AOC2: variants seen among roughly 807,000 people sequenced by gnomAD.
AOC2 encodes the protein amine oxidase [copper-containing] 2.
Under a neutral mutation model 53.8 loss-of-function variants are expected in AOC2, and 57 were observed. That is an observed-to-expected ratio of 1.06 (90% confidence interval 0.86 to 1.32). The LOEUF (loss-of-function observed/expected upper bound fraction) is 1.32. Ranked by LOEUF, AOC2 falls within the 40% of genes most tolerant of loss-of-function variation. AOC2 has a pLI of 0.00. For missense variants in AOC2, 1,008 were observed against 957.2 expected, an observed-to-expected ratio of 1.05 and a Z score of -0.70; for synonymous variants, 404 against 399.0, an observed-to-expected ratio of 1.01 and a Z score of -0.15.
chr17:42,849,585 T>C lies in AOC2; in HGVS notation c.1875-16T>C, dbSNP rs768567560. ...TTGACATTTCCCAAAACCACCTTCT[T>C]ATGATTCCTGGCCAGATACCAGCTT... On this transcript the variant is annotated splice_polypyrimidine_tract_variant and intron_variant, in intron 2 of 3. Coordinates refer to ENST00000253799, the MANE Select transcript of AOC2 (RefSeq NM_009590.4). The C allele has an allele frequency of 6.2e-7, 1 of 1,614,172 alleles. No homozygotes were observed. Among genetic ancestry groups the C allele is most frequent in the Non-Finnish European group, 8.5e-7 (1 of 1,180,026 alleles).
rs1205382813 is a variant in AOC2 at position 42,846,058 on chromosome 17, G to A, written c.1432G>A (p.Ala478Thr). ...IWDFVLYPNG[A>T]LEGRVHATGY... ...GGACTTTGTGTTGTACCCAAATGGG[G>A]CACTTGAAGGGCGGGTCCATGCCAC... is the stretch of plus-strand genomic sequence containing the variant. Residue 478 changes from alanine to threonine, a missense_variant, in exon 1 of 4, where the codon GCA becomes ACA. By Grantham distance (58) the Ala-to-Thr change is moderately conservative. Coordinates refer to ENST00000253799, the MANE Select transcript of AOC2 (RefSeq NM_009590.4). 5 of 1,609,412 alleles carry A rather than the reference G, an allele frequency of 3.1e-6. No homozygotes were observed. The East Asian group carries it at 8.9e-5, about 29-fold the overall frequency.
At chr17:42,848,845 C>T (rs2055620346) in intron 1 of AOC2, among the ~76,000 whole-genome samples, 1 of 152,134 alleles carries the variant, frequency 6.6e-6, no homozygotes, top group African/African-American at 2.4e-5. Context: ...GCCACCTCAG[C>T]TGGCCCTAAG....
At position 42,846,244 on chromosome 17, in the gene AOC2, T is replaced by C. The variant is rs749623520; in HGVS notation, c.1588+30T>C. ...GTGCTGAGGGGATGAGGATGGAGAC[T>C]TGGGGGCGGGGTCAGGTGGGGTGGA... On this transcript the variant is annotated intron_variant, in intron 1 of 3. Transcript: ENST00000253799. 6 of 1,483,572 alleles carry C rather than the reference T, an allele frequency of 4.0e-6. No homozygotes were observed. In the East Asian group the frequency reaches 9.3e-5, roughly 23 times the overall value. 91.9% of individuals were successfully genotyped at this position (1,483,572 alleles called of 1,614,324 possible).
Position 42,850,395 on chromosome 17 carries a change from C to T in AOC2, c.*47C>T. 6.6e-7 allele frequency: 1 copy of T among 1,521,068 alleles called. No individual in the cohort carries two copies. The highest frequency in any genetic ancestry group is 8.8e-7 in the Non-Finnish European group (1 of 1,133,934). The allele number at this position is 1,521,068 out of a possible 1,614,324, so 94.2% of individuals were successfully genotyped here. A position where few individuals can be genotyped will look rare whatever the true frequency, so the allele number is the denominator to read the frequency against. On this transcript the variant is annotated 3_prime_UTR_variant, in exon 4 of 4. Transcript: ENST00000253799. ...CGTGGTTAGGCACATGTACTTTTCC[C>T]TGTTTCTACTTTCTATTCTCCGTGT...
intron 1 of AOC2, 38 bp downstream of exon 1, chr17:42,846,252 G>A (rs374861104): frequency 1.0e-4 from 151 of 1,496,516 alleles, no homozygotes; most frequent in Non-Finnish European, 1.3e-4. Flanking sequence ...ACTTGGGGGC[G>A]GGGTCAGGTG....
At chr17:42,848,144 A>G (rs1307634474) in intron 1 of AOC2, among the ~76,000 whole-genome samples, 1 of 145,230 alleles carries the variant, frequency 6.9e-6, no homozygotes, top group Non-Finnish European at 1.5e-5. Context: ...ACCTGGGTTC[A>G]AGGGATCTGC....
chr17:42,844,848 G>C lies in AOC2; in HGVS notation c.222G>C (p.Arg74=), dbSNP rs1445546129. Reference sequence around the variant, plus strand: ...CTGTGATGCGCTTTCTGACCCAGCGGCTGGGGCCAGGGCTGGTGGACGCAG... The same window carrying C: ...CTGTGATGCGCTTTCTGACCCAGCGCCTGGGGCCAGGGCTGGTGGACGCAG... ...LTAVMRFLTQ[R]LGPGLVDAAQ... The change falls in exon 1 of 4, where the codon CGG becomes CGC. Residue 74 remains arginine (R), a synonymous_variant. Coordinates refer to ENST00000253799, the MANE Select transcript of AOC2 (RefSeq NM_009590.4). 6.2e-7 allele frequency: 1 copy of C among 1,612,494 alleles called. No individual in the cohort carries two copies. The highest frequency in any genetic ancestry group is 8.5e-7 in the Non-Finnish European group (1 of 1,178,842).
rs756891183 is a variant in AOC2, at chr17:42,845,518, T to C, written c.892T>C (p.Ser298Pro). 3.7e-6 allele frequency: 6 copies of C among 1,614,130 alleles called. No homozygotes were observed. The East Asian group carries it at 1.3e-4, about 36-fold the overall frequency. Reference protein sequence around the residue: ...PPPNGASSLRSRNSPGPLPPL... With the variant: ...PPPNGASSLRPRNSPGPLPPL... ...ACCAAATGGAGCTTCATCCCTGAGG[T>C]CTCGGAACTCTCCAGGTCCTCTTCC... The change falls in exon 1 of 4, where the codon TCT becomes CCT. Residue 298 changes from serine to proline, a missense_variant. Transcript: ENST00000253799.
Position 42,844,867 on chromosome 17 carries a change from G to A in AOC2, c.241G>A (p.Asp81Asn). 3.7e-6 allele frequency: 6 copies of A among 1,612,294 alleles called. No individual in the cohort carries two copies. Among genetic ancestry groups the A allele is most frequent in the Non-Finnish European group, 4.2e-6 (5 of 1,178,766 alleles). ...CCAGCGGCTGGGGCCAGGGCTGGTG[G>A]ACGCAGCCCAGGCTCAGCCCTCGGA... ...LTQRLGPGLVDAAQAQPSDNC... is the reference protein window; with the variant it reads ...LTQRLGPGLVNAAQAQPSDNC... The change falls in exon 1 of 4, where the codon GAC becomes AAC. Residue 81 changes from aspartate (D) to asparagine (N), a missense_variant. Transcript: ENST00000253799.
rs1262114858 is a variant in AOC2 at position 42,850,347 on chromosome 17, A to G, written c.2270A>G (p.Ter757TrpextTer2). The G allele has an allele frequency of 1.6e-5, 26 of 1,593,104 alleles. No homozygotes were observed. Among genetic ancestry groups the G allele is most frequent in the Non-Finnish European group, 2.1e-5 (25 of 1,164,138 alleles). The part of the protein sequence containing the change: ...DLPPFSYHGF[*>W] ...CCCCCTTTCTCTTACCACGGCTTCTAGTCCTGAGGGTGTGGCGGGCGGCGT... is the reference window on the plus strand; with the variant it reads ...CCCCCTTTCTCTTACCACGGCTTCTGGTCCTGAGGGTGTGGCGGGCGGCGT... Residue 757 changes from the stop codon to tryptophan, a stop_lost, in exon 4 of 4, where the codon TAG becomes TGG. Transcript: ENST00000253799.
chr17:42,849,230 C>G lies in AOC2; in HGVS notation c.1733C>G (p.Pro578Arg), dbSNP rs749112530. Residue 578 changes from proline to arginine, a missense_variant, in exon 2 of 4, where the codon CCC becomes CGC. Transcript: ENST00000253799. ...EDLTAFSLGSPLPRYLYLASN... is the reference protein window; with the variant it reads ...EDLTAFSLGSRLPRYLYLASN... ...CTGACAGCTTTTTCCTTGGGAAGCC[C>G]CCTACCCCGCTACCTCTACCTGGCT... is the stretch of plus-strand genomic sequence containing the variant. 4 of 1,614,156 alleles carry G rather than the reference C, an allele frequency of 2.5e-6. No individual in the cohort carries two copies. The highest frequency in any genetic ancestry group is 1.1e-5 in the South Asian group (1 of 91,082).
intron 1 of AOC2, 57 bp from the exon 2 acceptor site, chr17:42,849,029 C>A (rs1378307283): frequency 1.3e-6 from 2 of 1,525,884 alleles, no homozygotes; most frequent in Admixed American, 1.9e-5. Context: ...AAGACAGGGA[C>A]CTGGCCCAGA....
At position 42,849,115 on chromosome 17, in the gene AOC2, G is replaced by T. The variant is rs962569474; in HGVS notation, c.1618G>T (p.Val540Leu). The T allele has an allele frequency of 1.2e-6, 2 of 1,611,750 alleles. No individual in the cohort carries two copies. Among genetic ancestry groups the T allele is most frequent in the Non-Finnish European group, 1.7e-6 (2 of 1,178,032 alleles). ...GLKNWVVAED[V>L]VFKPVAAPWN... ...GAAAAACTGGGTGGTAGCTGAAGAC[G>T]TGGTGTTTAAACCTGTGGCTGCCCC... The change falls in exon 2 of 4, where the codon GTG becomes TTG. Residue 540 changes from valine (V) to leucine (L), a missense_variant. Physicochemically the swap from Val to Leu is conservative, Grantham distance 32. Transcript: ENST00000253799.
Position 42,849,311 on chromosome 17 carries a change from G to A in AOC2, c.1814G>A (p.Ser605Asn), listed in dbSNP as rs763428016. Reference sequence around the variant, plus strand: ...CGCGGGTACCGAATCCAGATCCACAGCCCCCTTGGCATACACATACCCCTG... The same window carrying A: ...CGCGGGTACCGAATCCAGATCCACAACCCCCTTGGCATACACATACCCCTG... The part of the protein sequence containing the change: ...HQRGYRIQIH[S>N]PLGIHIPLES... Residue 605 changes from serine (S) to asparagine (N), a missense_variant, in exon 2 of 4, where the codon AGC (serine) becomes AAC (asparagine). By Grantham distance (46) the Ser-to-Asn change is conservative. Transcript: ENST00000253799. 1 of 1,614,172 alleles carries A rather than the reference G, an allele frequency of 6.2e-7. No individual in the cohort carries two copies. The highest frequency in any genetic ancestry group is 8.5e-7 in the Non-Finnish European group (1 of 1,180,014).
In AOC2 at chr17:42,844,926, C is replaced by T. The variant is rs369601593; in HGVS notation, c.300C>T (p.Pro100=). The T allele has an allele frequency of 4.3e-6, 7 of 1,612,878 alleles. No individual in the cohort carries two copies. The South Asian group carries it at 4.4e-5, about 10-fold the overall frequency. The change falls in exon 1 of 4, where the codon CCC becomes CCT. Residue 100 remains proline (P), a synonymous_variant. Coordinates refer to ENST00000253799, the MANE Select transcript of AOC2 (RefSeq NM_009590.4). ...TCTTCTCAGTGGAGCTGCAGCTGCC[C>T]CCCAAGGCTGCAGCCCTGGCCCACC... ...NCIFSVELQL[P]PKAAALAHLD... is the part of the protein sequence containing the mutation.
In AOC2 at chr17:42,850,524, A is replaced by C; in HGVS notation, c.*176A>C. 1 of 614,030 alleles carries C rather than the reference A, an allele frequency of 1.6e-6. No individual in the cohort carries two copies. Among genetic ancestry groups the C allele is most frequent in the Non-Finnish European group, 2.5e-6 (1 of 393,182 alleles). The allele number at this position is 614,030 out of a possible 1,614,324, so 38.0% of individuals were successfully genotyped here. A position where few individuals can be genotyped will look rare whatever the true frequency, so the allele number is the denominator to read the frequency against. On this transcript the variant is annotated 3_prime_UTR_variant, in exon 4 of 4. Coordinates refer to ENST00000253799, the MANE Select transcript of AOC2 (RefSeq NM_009590.4). ...ATTCTTACTTCCTGTTCATCTCTAAAGTGTTAAATTATAAAAATGATTTTT... is the reference window on the plus strand; with the variant it reads ...ATTCTTACTTCCTGTTCATCTCTAACGTGTTAAATTATAAAAATGATTTTT...
In AOC2 at chr17:42,845,668, T is replaced by A. The variant is rs2055591574; in HGVS notation, c.1042T>A (p.Phe348Ile). ...CGGCCTGAGGATTTTTGATGTTCGG[T>A]TCCAGGGTGAGCGAATAGCCTATGA... ...FSGLRIFDVR[F>I]QGERIAYEVS... is the part of the protein sequence containing the mutation. Residue 348 changes from phenylalanine to isoleucine, a missense_variant, in exon 1 of 4, where the codon TTC becomes ATC. Physicochemically the swap from Phe to Ile is conservative, Grantham distance 21. Coordinates refer to ENST00000253799, the MANE Select transcript of AOC2 (RefSeq NM_009590.4). The A allele has an allele frequency of 1.2e-6, 2 of 1,614,060 alleles. No individual in the cohort carries two copies. The highest frequency in any genetic ancestry group is 2.7e-5 in the African/African-American group (2 of 74,922).
intron 1 of AOC2, among the ~76,000 whole-genome samples, chr17:42,848,546 C>CGT (rs1405077172): frequency 3.3e-4 from 39 of 117,620 alleles, no homozygotes; most frequent in African/African-American, 1.5e-3. Flanking sequence ...TATATATATA[C>CGT]ATATATATAT....
At position 42,845,297 on chromosome 17, in the gene AOC2, A is replaced by G. The variant is rs1322094743; in HGVS notation, c.671A>G (p.Tyr224Cys). The G allele has an allele frequency of 5.6e-6, 9 of 1,614,036 alleles. No individual in the cohort carries two copies. Among genetic ancestry groups the G allele is most frequent in the Non-Finnish European group, 6.8e-6 (8 of 1,180,002 alleles). Residue 224 changes from tyrosine (Y) to cysteine (C), a missense_variant, in exon 1 of 4, where the codon TAC becomes TGC. Transcript: ENST00000253799. ...GACCGAGCTACCTGGATGGCCCTCT[A>G]CCATAACATCTCAGGGGTTGGTCTT... is the stretch of plus-strand genomic sequence containing the variant. ...SGDRATWMAL[Y>C]HNISGVGLFL...
Sources: gnomAD v4.1 joint callset for allele counts (sites outside exome capture counted in the v4.1 genomes callset) on GRCh38, gnomAD v4.1.1 for gene constraint, MANE v1.5 for transcripts, NCBI Gene and HGNC (gene_info 2026-07-23, HGNC 2026-07-21) for gene names.